ANKRD13C: variants seen among roughly 807,000 people sequenced by gnomAD.
ANKRD13C encodes ankyrin repeat domain-containing protein 13C.
A neutral mutation model predicts 65.5 loss-of-function variants in ANKRD13C; 16 were observed. The observed-to-expected ratio is 0.24, with a 90% confidence interval of 0.17 to 0.37. ANKRD13C has a LOEUF of 0.37. ANKRD13C is among the 10% of genes least tolerant of loss of function. The pLI is 1.00. For missense variants in ANKRD13C, 503 were observed against 655.9 expected (o/e 0.77, Z 2.55); for synonymous variants, 235 against 238.7 (o/e 0.98, Z 0.14).
intron 3 of ANKRD13C, among the ~76,000 whole-genome samples, chr1:70,323,820 G>C (rs930832537): frequency 1.3e-4 from 19 of 151,384 alleles, no homozygotes; most frequent in South Asian, 2.1e-4. Context: ...CGCCTCCCAG[G>C]CTCAGGCGAT....
At chr1:70,306,943 T>C (rs898103690) in intron 5 of ANKRD13C, among the ~76,000 whole-genome samples, 5 of 152,300 alleles carry the variant, frequency 3.3e-5, no homozygotes, top group African/African-American at 1.2e-4. Flanking sequence ...GGAGTTATTC[T>C]ACAGACAAAT....
rs1252829004 is a variant in ANKRD13C, at chr1:70,334,472, A to G, written c.472+1586T>C. Among the ~76,000 whole-genome samples the G allele has an allele frequency of 2.0e-5, 3 of 151,804 alleles. No individual in the cohort carries two copies. The East Asian group carries it at 5.8e-4, about 29-fold the overall frequency. The stretch of plus-strand genomic sequence containing the variant: ...TGAGAACCTGTCTCTACATAAAATG[A>G]AAAAATTAGCCGGGCATGGTGGCAT... On this transcript the variant is annotated intron_variant, in intron 2 of 12. Coordinates refer to ENST00000370944, the MANE Select transcript of ANKRD13C (RefSeq NM_030816.5).
chr1:70,282,347 G>A (rs971173800), intron 9 of ANKRD13C, among the ~76,000 whole-genome samples: 11 of 151,786 alleles, frequency 7.2e-5, no homozygotes, highest in African/African-American at 2.2e-4. Context: ...GAGACACCGC[G>A]CCCGGCAATA....
intron 3 of ANKRD13C, among the ~76,000 whole-genome samples, chr1:70,322,113 G>C (rs1045550724): frequency 2.0e-5 from 3 of 151,946 alleles, no homozygotes; most frequent in Non-Finnish European, 4.4e-5. Context: ...TCAGGAATTC[G>C]AGACCAGCCT....
intron 12 of ANKRD13C, among the ~76,000 whole-genome samples, chr1:70,268,231 G>A (rs1483198794): frequency 2.0e-5 from 3 of 151,924 alleles, no homozygotes; most frequent in South Asian, 2.1e-4. Flanking sequence ...GTGCAATGGC[G>A]TGATCTTGGC....
chr1:70,268,635 C>T (rs1032222617), intron 12 of ANKRD13C, among the ~76,000 whole-genome samples: 1 of 152,082 alleles, frequency 6.6e-6, no homozygotes, highest in South Asian at 2.1e-4. Flanking sequence ...GAGGGAGGTC[C>T]CATTTCTGAT....
At chr1:70,265,953 G>GA (rs541241472) in intron 12 of ANKRD13C, among the ~76,000 whole-genome samples, 1 of 150,700 alleles carries the variant, frequency 6.6e-6, no homozygotes, top group African/African-American at 2.5e-5. Flanking sequence ...AGGAAGGAAG[G>GA]AGGAAGCAAG....
rs1171397926 is a variant in ANKRD13C, at chr1:70,261,010, A to G, written c.*1707T>C. On this transcript the variant is annotated 3_prime_UTR_variant, in exon 13 of 13. Coordinates refer to ENST00000370944, the MANE Select transcript of ANKRD13C (RefSeq NM_030816.5). ...TCTCCAACCCCATGTAACCACTGAT[A>G]GGATAATTCAGTCTCTAAGTCATTT... is the stretch of plus-strand genomic sequence containing the variant. 2 of 152,134 alleles carry G rather than the reference A, an allele frequency of 1.3e-5. No homozygotes were observed. Among genetic ancestry groups the G allele is most frequent in the Non-Finnish European group, 2.9e-5 (2 of 67,970 alleles). The allele number at this position is 152,134 out of a possible 1,614,324, so 9.4% of individuals were successfully genotyped here.
At position 70,302,725 on chromosome 1, in the gene ANKRD13C, C is replaced by CAAAAA. The variant is rs11359618; in HGVS notation, c.777-1822_777-1818dup. On this transcript the variant is annotated intron_variant, in intron 6 of 12. Transcript: ENST00000370944. ...TGGGCGACAGAGCGAGACTCCGTCT[C>CAAAAA]AAAAAAAAAAAAAAAAAAAAAAAAA... Among the ~76,000 whole-genome samples the CAAAAA allele has an allele frequency of 4.2e-3, 135 of 32,176 alleles. 3 individuals carry two copies. Among genetic ancestry groups the CAAAAA allele is most frequent in the East Asian group, 7.4e-3 (4 of 542 alleles). The allele number at this position is 32,176 out of a possible 152,430, so 21.1% of individuals were successfully genotyped here. A position where few individuals can be genotyped will look rare whatever the true frequency, so the allele number is the denominator to read the frequency against.
chr1:70,306,427 A>G, intron 5 of ANKRD13C, 137 bp from the exon 6 acceptor site: 1 of 510,032 alleles, frequency 2.0e-6, no homozygotes, highest in Non-Finnish European at 3.3e-6. Flanking sequence ...TTTTCCATTT[A>G]AAAATAAATA....
rs184098022 is a variant in ANKRD13C, at chr1:70,300,012, C to T, written c.921+752G>A. Among the ~76,000 whole-genome samples the T allele has an allele frequency of 3.3e-3, 507 of 151,910 alleles. 4 individuals carry two copies. The highest frequency in any genetic ancestry group is 0.012 in the African/African-American group (481 of 41,406). ...ATGTCGTACTTGAAGAGGGAAAGGA[C>T]AGAGAAAGGAAAGGTAGCCAAAGAG... is the stretch of plus-strand genomic sequence containing the variant. On this transcript the variant is annotated intron_variant, in intron 7 of 12. Coordinates refer to ENST00000370944, the MANE Select transcript of ANKRD13C (RefSeq NM_030816.5).
At chr1:70,281,573 T>A (rs1337097515) in intron 9 of ANKRD13C, among the ~76,000 whole-genome samples, 1 of 151,600 alleles carries the variant, frequency 6.6e-6, no homozygotes, top group Non-Finnish European at 1.5e-5. Flanking sequence ...CAGCTTGTTT[T>A]TACTTTTTTT....
intron 11 of ANKRD13C, among the ~76,000 whole-genome samples, chr1:70,271,626 G>GA (rs148738431): frequency 0.012 from 1,839 of 152,202 alleles, 42 homozygotes; most frequent in African/African-American, 0.042. Flanking sequence ...AAAGACATAT[G>GA]AAAAAATGGA....
intron 9 of ANKRD13C, 125 bp from the exon 10 acceptor site, chr1:70,276,969 ATACTTGAAAAGGT>A: frequency 1.4e-6 from 1 of 719,724 alleles, no homozygotes; most frequent in East Asian, 2.9e-5. Flanking sequence ...CTTCAATATA[ATACTTGAAAAGGT>A]TCCTTCCAAG....
chr1:70,290,608 T>C (rs1019049974), intron 9 of ANKRD13C, among the ~76,000 whole-genome samples: 5 of 151,990 alleles, frequency 3.3e-5, no homozygotes, highest in Admixed American at 3.3e-4. Context: ...GTGGCATGAT[T>C]ATAGCTCATT....
chr1:70,299,645 T>A (rs536228951), intron 7 of ANKRD13C, among the ~76,000 whole-genome samples: 1 of 152,180 alleles, frequency 6.6e-6, no homozygotes, highest in South Asian at 2.1e-4. Context: ...AGAAAAGATA[T>A]CAAAAATAAC....
At chr1:70,351,268 C>G (rs1056936748) in intron 1 of ANKRD13C, among the ~76,000 whole-genome samples, 1 of 152,182 alleles carries the variant, frequency 6.6e-6, no homozygotes, top group South Asian at 2.1e-4. Flanking sequence ...GGAATCCTTA[C>G]GGTGAACATA....
At chr1:70,349,146 T>C (rs1034481795) in intron 1 of ANKRD13C, among the ~76,000 whole-genome samples, 3 of 152,226 alleles carry the variant, frequency 2.0e-5, no homozygotes, top group Admixed American at 2.0e-4. Flanking sequence ...GTAAAATTAT[T>C]ATCAATTATA....
At chr1:70,289,324 C>T (rs1046387076) in intron 9 of ANKRD13C, among the ~76,000 whole-genome samples, 2 of 152,080 alleles carry the variant, frequency 1.3e-5, no homozygotes, top group African/African-American at 4.8e-5. Context: ...ACAACCTCTG[C>T]CCTTAAGAAA....
Sources: gnomAD v4.1 joint callset for allele counts (sites outside exome capture counted in the v4.1 genomes callset) on GRCh38, gnomAD v4.1.1 for gene constraint, MANE v1.5 for transcripts, NCBI Gene and HGNC (gene_info 2026-07-23, HGNC 2026-07-21) for gene names.